PARN: variants seen among roughly 807,000 people sequenced by gnomAD.
PARN encodes the protein poly(A)-specific ribonuclease.
A neutral mutation model predicts 102.8 loss-of-function variants in PARN; 71 were observed. That is an observed-to-expected ratio of 0.69 (90% CI 0.57 to 0.84). The LOEUF is 0.84. Ranked by LOEUF, PARN falls within the 40% of genes least tolerant of loss-of-function variation. PARN has a pLI of 0.00. For missense variants in PARN, 782 were observed against 760.9 expected, an observed-to-expected ratio of 1.03 and a Z score of -0.33; for synonymous variants, 261 against 252.9, an observed-to-expected ratio of 1.03 and a Z score of -0.30.
intron 21 of PARN, among the ~76,000 whole-genome samples, chr16:14,490,337 A>T (rs974169888): frequency 3.9e-5 from 6 of 152,222 alleles, no homozygotes; most frequent in Non-Finnish European, 8.8e-5. Context: ...CTGGGACCCC[A>T]ACCAAAGCCT....
intron 21 of PARN, among the ~76,000 whole-genome samples, chr16:14,549,695 T>C (rs1308107248): frequency 6.6e-6 from 1 of 152,166 alleles, no homozygotes; most frequent in Non-Finnish European, 1.5e-5. Flanking sequence ...CTAACTCATG[T>C]TTTACAGATT....
At chr16:14,484,947 A>T (rs143775209) in intron 21 of PARN, among the ~76,000 whole-genome samples, 2,846 of 152,264 alleles carry the variant, frequency 0.019, 45 homozygotes, top group Middle Eastern at 0.054. Flanking sequence ...GGCAGGGCAC[A>T]GTGGCTCACA....
intron 21 of PARN, among the ~76,000 whole-genome samples, chr16:14,516,753 T>C (rs1323578411): frequency 6.6e-6 from 1 of 152,204 alleles, no homozygotes; most frequent in Non-Finnish European, 1.5e-5. Context: ...GGAACAAACA[T>C]CATCGTAGGA....
At chr16:14,582,394 T>C (rs1401321921) in intron 16 of PARN, 103 bp from the exon 17 acceptor site, 9 of 751,388 alleles carry the variant, frequency 1.2e-5, no homozygotes, top group South Asian at 1.0e-4. Context: ...ATACCCTAAA[T>C]AGGCAGAAAA....
intron 21 of PARN, among the ~76,000 whole-genome samples, chr16:14,485,596 A>G (rs544148126): frequency 3.3e-5 from 5 of 151,974 alleles, no homozygotes; most frequent in Non-Finnish European, 7.4e-5. Flanking sequence ...TTCTACCATC[A>G]TTATTCTGTA....
At chr16:14,491,327 TTC>T (rs1378650471) in intron 21 of PARN, among the ~76,000 whole-genome samples, 1 of 151,640 alleles carries the variant, frequency 6.6e-6, no homozygotes, top group Non-Finnish European at 1.5e-5. Flanking sequence ...CTCATCTCAA[TTC>T]TGTTTTCCCA....
chr16:14,604,805 A>G (rs2151788602), intron 10 of PARN, among the ~76,000 whole-genome samples: 1 of 151,396 alleles, frequency 6.6e-6, no homozygotes, highest in East Asian at 2.0e-4. Flanking sequence ...TAGTAGAGAC[A>G]GGGTTTCACC....
chr16:14,456,554 T>C (rs1443753735), intron 22 of PARN, among the ~76,000 whole-genome samples: 2 of 152,136 alleles, frequency 1.3e-5, no homozygotes, highest in East Asian at 3.9e-4. Flanking sequence ...AACAGTACCC[T>C]TTCATTTTAA....
At chr16:14,586,644 C>T (rs924929432) in intron 13 of PARN, among the ~76,000 whole-genome samples, 13 of 151,984 alleles carry the variant, frequency 8.6e-5, no homozygotes, top group African/African-American at 3.1e-4. Flanking sequence ...GCAGGGGGTC[C>T]AATAAAATGT....
chr16:14,622,149 T>C (rs1051820142), intron 5 of PARN, among the ~76,000 whole-genome samples: 21 of 152,060 alleles, frequency 1.4e-4, no homozygotes, highest in South Asian at 4.2e-4. Flanking sequence ...GCCAAGATAG[T>C]GCCACTGCAC....
At chr16:14,451,869 C>CAAAAAAAAAAAAAAAAAAAAAAAAA (rs869041563) in intron 22 of PARN, among the ~76,000 whole-genome samples, 28 of 52,496 alleles carry the variant, frequency 5.3e-4, no homozygotes, top group Non-Finnish European at 7.1e-4. Flanking sequence ...AAAAAAAATA[C>CAAAAAAAAAAAAAAAAAAAAAAAAA]AAAAAAAAAA....
At chr16:14,627,439 CA>C in intron 3 of PARN, 103 bp from the exon 4 acceptor site, 2 of 731,244 alleles carry the variant, frequency 2.7e-6, no homozygotes, top group Admixed American at 4.3e-5. Context: ...AATGAGACTT[CA>C]GCAGAATACT....
At chr16:14,626,945 G>A (rs1181336746) in intron 5 of PARN, among the ~76,000 whole-genome samples, 161 bp downstream of exon 5, 3 of 152,108 alleles carry the variant, frequency 2.0e-5, no homozygotes, top group East Asian at 1.9e-4. Flanking sequence ...AGCAAAGGAG[G>A]AGATAACAGG....
Position 14,555,658 on chromosome 16 carries a change from TG to T in PARN, c.1313del (p.Pro438GlnfsTer13). 1.4e-6 allele frequency: 2 copies of T among 1,421,896 alleles called. No individual in the cohort carries two copies. Among genetic ancestry groups the T allele is most frequent in the South Asian group, 1.3e-5 (1 of 75,412 alleles). The allele number at this position is 1,421,896 out of a possible 1,614,324, so 88.1% of individuals were successfully genotyped here. On this transcript the variant is annotated frameshift_variant, in exon 19 of 24. Coordinates refer to ENST00000437198, the MANE Select transcript of PARN (RefSeq NM_002582.4). LOFTEE classifies it high-confidence loss of function. Reference protein sequence around the residue: ...MDIPYLNLEGPDLQPKRDHVL... With the variant: ...MDIPYLNLEGXDLQPKRDHVL... ...AGAAAATAAAAATTTACTTACAGTCTGGTCCTTCCAAGTTTAGATAGGGGAT... is the reference window on the plus strand; with the variant it reads ...AGAAAATAAAAATTTACTTACAGTCTGTCCTTCCAAGTTTAGATAGGGGAT...
chr16:14,480,096 G>A (rs1378847812), intron 22 of PARN, among the ~76,000 whole-genome samples: 2 of 152,118 alleles, frequency 1.3e-5, no homozygotes, highest in African/African-American at 4.8e-5. Flanking sequence ...ACTTTGGGAG[G>A]CCGAGGCTGC....
chr16:14,449,583 A>G (rs1961360661), intron 22 of PARN, among the ~76,000 whole-genome samples: 1 of 152,208 alleles, frequency 6.6e-6, no homozygotes, highest in African/African-American at 2.4e-5. Context: ...CCACGAGGAA[A>G]TATCTGCAAC....
chr16:14,602,827 A>T (rs1970957603), intron 11 of PARN, among the ~76,000 whole-genome samples: 1 of 152,078 alleles, frequency 6.6e-6, no homozygotes, highest in South Asian at 2.1e-4. Flanking sequence ...GCCCTCTCAG[A>T]AGAGAGCTGC....
intron 23 of PARN, among the ~76,000 whole-genome samples, chr16:14,442,153 T>C (rs1354248164): frequency 6.6e-6 from 1 of 152,110 alleles, no homozygotes; most frequent in African/African-American, 2.4e-5. Context: ...CAGCCAGCAG[T>C]ATTTTCACAA....
At chr16:14,557,164 A>G (rs1967743220) in intron 18 of PARN, among the ~76,000 whole-genome samples, 1 of 152,168 alleles carries the variant, frequency 6.6e-6, no homozygotes, top group African/African-American at 2.4e-5. Context: ...TCTGGTAGAG[A>G]CAACATTATA....
Sources: allele counts gnomAD v4.1 joint callset (sites outside exome capture counted in the v4.1 genomes callset), GRCh38; gene constraint gnomAD v4.1.1; transcripts MANE v1.5; gene names NCBI Gene and HGNC (gene_info 2026-07-23, HGNC 2026-07-21).